Variants in HAT1 observed in about 807,000 individuals in gnomAD.
The protein encoded by HAT1 is histone acetyltransferase 1.
In HAT1, 20 loss-of-function variants were observed where a neutral mutation model predicts 56.6. That is an observed-to-expected ratio of 0.35 (90% CI 0.25 to 0.51). HAT1 has a LOEUF of 0.51. Among genes scored for constraint, HAT1 ranks in the 20% least tolerant of loss-of-function variants. The pLI is 0.95. For synonymous variants in HAT1, 146 were observed against 165.5 expected (o/e 0.88, Z 0.91); for missense variants, 408 against 504.3 (o/e 0.81, Z 1.83).
intron 9 of HAT1, among the ~76,000 whole-genome samples, chr2:171,977,555 ATATTTTT>A (rs1461641037): frequency 1.8e-4 from 2 of 11,224 alleles, no homozygotes; most frequent in Middle Eastern, 0.083. Context: ...ATATATATAT[ATATTTTT>A]TTTTTTTTTT....
intron 1 of HAT1, 95 bp from the exon 2 acceptor site, chr2:171,925,441 TA>T: frequency 1.5e-6 from 1 of 648,876 alleles, no homozygotes; most frequent in Non-Finnish European, 2.8e-6. Flanking sequence ...CAGCATGTTT[TA>T]AATCATACCC....
intron 2 of HAT1, 97 bp downstream of exon 2, chr2:171,925,738 T>G: frequency 1.7e-6 from 1 of 584,854 alleles, no homozygotes. Context: ...GTAAGAGCAG[T>G]TATTTATGCA....
chr2:171,960,534 T>G (rs2105331452), intron 4 of HAT1, among the ~76,000 whole-genome samples: 1 of 152,346 alleles, frequency 6.6e-6, no homozygotes, highest in South Asian at 2.1e-4. Context: ...TAATTTTTAA[T>G]CATCCATTCT....
At chr2:171,977,555 ATATTTTTTTTTTTTT>A (rs1237715558) in intron 9 of HAT1, among the ~76,000 whole-genome samples, 3 of 11,226 alleles carry the variant, frequency 2.7e-4, no homozygotes, top group African/African-American at 1.1e-3. Context: ...ATATATATAT[ATATTTTTTTTTTTTT>A]TTTTTTTTTA....
At chr2:171,925,669 A>C in intron 2 of HAT1, 28 bp downstream of exon 2, 2 of 899,874 alleles carry the variant, frequency 2.2e-6, no homozygotes, top group Non-Finnish European at 3.8e-6. Context: ...AAGTGATGTT[A>C]TGTACATACT....
chr2:171,939,161 G>T (rs1245833279), intron 2 of HAT1, among the ~76,000 whole-genome samples: 1 of 152,108 alleles, frequency 6.6e-6, no homozygotes, highest in Non-Finnish European at 1.5e-5. Context: ...TTCCTTCCCA[G>T]TTCAGGGTTC....
intron 4 of HAT1, among the ~76,000 whole-genome samples, chr2:171,957,849 C>G (rs1243131013): frequency 6.6e-6 from 1 of 152,114 alleles, no homozygotes; most frequent in African/African-American, 2.4e-5. Context: ...ATTAATCCAG[C>G]AAGTTTTAGT....
At chr2:171,957,555 C>G (rs1300613237) in intron 4 of HAT1, among the ~76,000 whole-genome samples, 1 of 152,126 alleles carries the variant, frequency 6.6e-6, no homozygotes, top group Non-Finnish European at 1.5e-5. Context: ...TTTGAACTGA[C>G]TATATCTAGA....
Position 171,979,377 on chromosome 2 carries a change from G to T in HAT1, c.1092+14G>T. 8.2e-7 allele frequency: 1 copy of T among 1,217,334 alleles called. No homozygotes were observed. The allele number at this position is 1,217,334 out of a possible 1,614,324, so 75.4% of individuals were successfully genotyped here. On this transcript the variant is annotated intron_variant, in intron 10 of 10. Coordinates refer to ENST00000264108, the MANE Select transcript of HAT1 (RefSeq NM_003642.4). ...AGCCCATATAAGGTAGGACTTTCAA[G>T]AATCTTAAACACTGTATTCTTTTCA...
rs894096615 is a variant in HAT1 at position 171,965,387 on chromosome 2, G to C, written c.359G>C (p.Cys120Ser). The C allele has an allele frequency of 6.8e-6, 11 of 1,611,426 alleles. No homozygotes were observed. In the African/African-American group the frequency reaches 1.3e-4, roughly 20 times the overall value. Reference sequence around the variant, plus strand: ...AGACAAATCATTCCACCTGGATTTTGCACAAACACGAATGATTTCCTTTCT... The same window carrying C: ...AGACAAATCATTCCACCTGGATTTTCCACAAACACGAATGATTTCCTTTCT... Reference protein sequence around the residue: ...KIRQIIPPGFCTNTNDFLSLL... With the variant: ...KIRQIIPPGFSTNTNDFLSLL... The change falls in exon 5 of 11, where the codon TGC becomes TCC. Residue 120 changes from cysteine to serine, a missense_variant. Physicochemically the swap from Cys to Ser is moderately radical, Grantham distance 112. Transcript: ENST00000264108.
intron 1 of HAT1, chr2:171,923,875 CCTA>C (rs1269614481): frequency 6.6e-6 from 1 of 152,140 alleles, no homozygotes; most frequent in Admixed American, 6.5e-5. Flanking sequence ...TGATGTAATA[CCTA>C]CTTATAGAAT....
At chr2:171,965,995 A>T (rs1197754604) in intron 6 of HAT1, 87 bp downstream of exon 6, 1 of 1,158,716 alleles carries the variant, frequency 8.6e-7, no homozygotes, top group East Asian at 2.4e-5. Context: ...TTGGGACAGT[A>T]TAATGATATT....
intron 3 of HAT1, among the ~76,000 whole-genome samples, chr2:171,950,622 G>A (rs538630905): frequency 1.4e-4 from 22 of 152,192 alleles, no homozygotes; most frequent in African/African-American, 5.3e-4. Flanking sequence ...TCCTGCCTCA[G>A]CTTCTCGAGT....
At chr2:171,957,995 C>T (rs962252160) in intron 4 of HAT1, among the ~76,000 whole-genome samples, 8 of 152,170 alleles carry the variant, frequency 5.3e-5, no homozygotes, top group African/African-American at 1.9e-4. Flanking sequence ...ATTAAACCAA[C>T]TTTTTCAGGG....
chr2:171,947,706 C>T (rs2105320374), intron 3 of HAT1, among the ~76,000 whole-genome samples: 1 of 152,226 alleles, frequency 6.6e-6, no homozygotes, highest in African/African-American at 2.4e-5. Flanking sequence ...TGGTGAAACC[C>T]CGTCTCTATT....
intron 4 of HAT1, among the ~76,000 whole-genome samples, chr2:171,956,333 C>T (rs979710446): frequency 7.2e-5 from 11 of 152,128 alleles, no homozygotes; most frequent in East Asian, 5.8e-4. Flanking sequence ...CACACACGCA[C>T]GCATGCACAC....
chr2:171,948,161 C>T (rs764613305), intron 3 of HAT1, among the ~76,000 whole-genome samples: 1 of 152,078 alleles, frequency 6.6e-6, no homozygotes, highest in African/African-American at 2.4e-5. Context: ...TCCTTTACAC[C>T]TCATTTCTTT....
chr2:171,947,123 A>G (rs953992543), intron 3 of HAT1, among the ~76,000 whole-genome samples: 11 of 152,208 alleles, frequency 7.2e-5, no homozygotes, highest in African/African-American at 2.7e-4. Flanking sequence ...CATAATCATA[A>G]CTACTACTTT....
At chr2:171,924,176 T>G (rs942716229) in intron 1 of HAT1, 5 of 152,162 alleles carry the variant, frequency 3.3e-5, no homozygotes, top group African/African-American at 1.2e-4. Context: ...TTTTATTTTT[T>G]GCTTATGGCT....
Sources: gnomAD v4.1 joint callset for allele counts (sites outside exome capture counted in the v4.1 genomes callset) on GRCh38, gnomAD v4.1.1 for gene constraint, MANE v1.5 for transcripts, NCBI Gene and HGNC (gene_info 2026-07-23, HGNC 2026-07-21) for gene names.